AGO3: variants seen among roughly 807,000 people sequenced by gnomAD.
AGO3 encodes argonaute RISC catalytic component 3, also known as protein argonaute-3.
A neutral mutation model predicts 105.5 loss-of-function variants in AGO3; 16 were observed. That is an observed-to-expected ratio of 0.15 (90% confidence interval 0.10 to 0.23). The LOEUF is 0.23. AGO3 is among the 10% of genes least tolerant of loss of function. The probability of loss-of-function intolerance (pLI) is 1.00; values close to 1 mark genes in which losing one functional copy is unlikely to be tolerated. For missense variants in AGO3, 534 were observed against 1,088.0 expected (o/e 0.49, Z 7.16); for synonymous variants, 340 against 367.3 (o/e 0.93, Z 0.85).
chr1:35,977,759 T>C (rs776211069), intron 5 of AGO3, among the ~76,000 whole-genome samples: 3 of 152,220 alleles, frequency 2.0e-5, no homozygotes, highest in African/African-American at 4.8e-5. Flanking sequence ...TTTGCATATG[T>C]ATGCTTTGTT....
intron 5 of AGO3, among the ~76,000 whole-genome samples, chr1:35,986,455 G>C (rs1398686220): frequency 6.6e-6 from 1 of 151,720 alleles, no homozygotes; most frequent in Non-Finnish European, 1.5e-5. Flanking sequence ...TTGGGAGGCA[G>C]AGGCCTTCGG....
chr1:36,009,593 T>C lies in AGO3; in HGVS notation c.1148T>C (p.Leu383Ser). Residue 383 changes from leucine to serine, a missense_variant and splice_region_variant, in exon 9 of 19, where the codon TTG (leucine) becomes TCG (serine). Physicochemically the swap from Leu to Ser is moderately radical, Grantham distance 145. Transcript: ENST00000373191. ...APDRQEEISR[L>S]VRSANYETDP... Reference sequence around the variant, plus strand: ...GATAGACAAGAGGAAATTAGCAGATTGGTTAGTACTTAACCTTAGAAATGA... The same window carrying C: ...GATAGACAAGAGGAAATTAGCAGATCGGTTAGTACTTAACCTTAGAAATGA... 1 of 1,610,134 alleles carries C rather than the reference T, an allele frequency of 6.2e-7. No individual in the cohort carries two copies. The highest frequency in any genetic ancestry group is 8.5e-7 in the Non-Finnish European group (1 of 1,179,036).
At chr1:35,999,333 A>T (rs1445156537) in intron 5 of AGO3, among the ~76,000 whole-genome samples, 1 of 151,862 alleles carries the variant, frequency 6.6e-6, no homozygotes, top group Non-Finnish European at 1.5e-5. Context: ...ACAGAGCAAG[A>T]CTCCATCTAA....
chr1:36,020,659 A>C (rs1641171090), intron 11 of AGO3, among the ~76,000 whole-genome samples: 1 of 152,142 alleles, frequency 6.6e-6, no homozygotes, highest in African/African-American at 2.4e-5. Context: ...TCTGTCATCC[A>C]AGCTGGAGTG....
At chr1:35,976,494 A>G (rs1191735690) in intron 5 of AGO3, among the ~76,000 whole-genome samples, 1 of 152,014 alleles carries the variant, frequency 6.6e-6, no homozygotes, top group African/African-American at 2.4e-5. Flanking sequence ...TTTTTTTATC[A>G]GATTATATAG....
intron 13 of AGO3, among the ~76,000 whole-genome samples, chr1:36,035,871 A>C (rs1233662448): frequency 1.3e-5 from 2 of 152,026 alleles, no homozygotes; most frequent in African/African-American, 2.4e-5. Context: ...TCTCTACTAA[A>C]AAATACAAAA....
intron 11 of AGO3, among the ~76,000 whole-genome samples, chr1:36,017,144 G>T (rs375598974): frequency 1.3e-5 from 2 of 152,064 alleles, no homozygotes; most frequent in African/African-American, 4.8e-5. Context: ...CCTACAGATG[G>T]CCATATGCAA....
At chr1:35,951,830 G>A (rs1646474793) in intron 2 of AGO3, among the ~76,000 whole-genome samples, 1 of 152,102 alleles carries the variant, frequency 6.6e-6, no homozygotes, top group African/African-American at 2.4e-5. Flanking sequence ...TGTTATAGTT[G>A]GATAGTATGC....
At chr1:36,015,272 A>T (rs12129064) in intron 11 of AGO3, among the ~76,000 whole-genome samples, 10,344 of 152,290 alleles carry the variant, frequency 0.068, 430 homozygotes, top group Middle Eastern at 0.24. Context: ...AAAGATATCC[A>T]TAGGGTGAGG....
At chr1:35,985,508 T>C (rs1317504301) in intron 5 of AGO3, among the ~76,000 whole-genome samples, 3 of 152,200 alleles carry the variant, frequency 2.0e-5, no homozygotes, top group African/African-American at 4.8e-5. Flanking sequence ...GAGCCACATA[T>C]GTGTTTATGG....
chr1:35,957,536 G>A (rs1440586728), intron 2 of AGO3, among the ~76,000 whole-genome samples: 1 of 152,014 alleles, frequency 6.6e-6, no homozygotes, highest in African/African-American at 2.4e-5. Flanking sequence ...GACCAGCCTG[G>A]CCAACATGGT....
In AGO3 at chr1:35,973,475, C is replaced by T. The variant is rs143581788; in HGVS notation, c.622C>T (p.Arg208Trp). The T allele has an allele frequency of 2.5e-6, 4 of 1,587,044 alleles. No individual in the cohort carries two copies. The highest frequency in any genetic ancestry group is 1.3e-5 in the African/African-American group (1 of 74,298). ...GTGGTTTGGATTCCATCAGTCTGTT[C>T]GGCCTGCCATGTGGAAAATGATGCT... ...EVWFGFHQSV[R>W]PAMWKMMLNI... is the part of the protein sequence containing the mutation. The change falls in exon 5 of 19, where the codon CGG becomes TGG. Residue 208 changes from arginine to tryptophan, a missense_variant. Arg to Trp is a moderately radical substitution (Grantham distance 101, BLOSUM62 -3). This residue lies in a region of AGO3 where 373 missense variants were observed against 854.0 expected (regional missense o/e 0.44). Coordinates refer to ENST00000373191, the MANE Select transcript of AGO3 (RefSeq NM_024852.4).
In AGO3 at chr1:36,009,086, A is replaced by ATTATTTTTTTTTTTTT; in HGVS notation, c.1029+44_1029+45insATTTTTTTTTTTTTTT. 2.0e-6 allele frequency: 3 copies of ATTATTTTTTTTTTTTT among 1,481,356 alleles called. No homozygotes were observed. In the East Asian group the frequency reaches 1.2e-4, roughly 60 times the overall value. The allele number at this position is 1,481,356 out of a possible 1,614,324, so 91.8% of individuals were successfully genotyped here. On this transcript the variant is annotated intron_variant, in intron 8 of 18. Coordinates refer to ENST00000373191, the MANE Select transcript of AGO3 (RefSeq NM_024852.4). ...GCTAATTAATACCCTGTTGTTCATG[A>ATTATTTTTTTTTTTTT]TTCTTTTGGGGTCTTTTATGGCCGA...
chr1:35,959,665 G>A (rs1646638571), intron 2 of AGO3, among the ~76,000 whole-genome samples: 1 of 152,032 alleles, frequency 6.6e-6, no homozygotes, highest in Non-Finnish European at 1.5e-5. Flanking sequence ...TTGAACAAAA[G>A]ATTCCACTCC....
chr1:36,046,292 C>T (rs1350435321), intron 17 of AGO3, among the ~76,000 whole-genome samples: 2 of 152,192 alleles, frequency 1.3e-5, no homozygotes. Flanking sequence ...CATGACTCCT[C>T]TTTATTGTTA....
chr1:36,041,931 CA>C (rs201387894), intron 16 of AGO3, among the ~76,000 whole-genome samples: 1 of 150,022 alleles, frequency 6.7e-6, no homozygotes, highest in Non-Finnish European at 1.5e-5. Context: ...GTGATGAGAA[CA>C]AAAAAAAATT....
In AGO3 at chr1:35,973,305, C is replaced by T. The variant is rs920188340; in HGVS notation, c.522-70C>T. Reference sequence around the variant, plus strand: ...CATTATGTTAATTGTGCTCTAGTCTCCCCTTTTCTGCAGATTTAAATACTT... The same window carrying T: ...CATTATGTTAATTGTGCTCTAGTCTTCCCTTTTCTGCAGATTTAAATACTT... On this transcript the variant is annotated intron_variant, in intron 4 of 18. Coordinates refer to ENST00000373191, the MANE Select transcript of AGO3 (RefSeq NM_024852.4). 10 of 1,321,844 alleles carry T rather than the reference C, an allele frequency of 7.6e-6. No individual in the cohort carries two copies. The African/African-American group carries it at 1.3e-4, about 18-fold the overall frequency. The allele number at this position is 1,321,844 out of a possible 1,614,324, so 81.9% of individuals were successfully genotyped here.
chr1:35,990,593 T>C (rs1414475345), intron 5 of AGO3, among the ~76,000 whole-genome samples: 1 of 152,218 alleles, frequency 6.6e-6, no homozygotes, highest in East Asian at 1.9e-4. Context: ...TTGCTTTTAG[T>C]AAAAAGTAGG....
intron 3 of AGO3, among the ~76,000 whole-genome samples, chr1:35,970,719 C>T (rs1167406929): frequency 6.6e-6 from 1 of 151,454 alleles, no homozygotes; most frequent in Non-Finnish European, 1.5e-5. Flanking sequence ...TTTTTTCCCT[C>T]CCTCCCTTTG....
Sources: allele counts gnomAD v4.1 joint callset (sites outside exome capture counted in the v4.1 genomes callset), GRCh38; gene constraint gnomAD v4.1.1; regional missense constraint gnomAD v4.1.1; transcripts MANE v1.5; gene names NCBI Gene and HGNC (gene_info 2026-07-23, HGNC 2026-07-21).